The following OR9I1 variants were observed in gnomAD, a reference collection of about 807,000 sequenced individuals.
The protein encoded by OR9I1 is olfactory receptor 9I1.
OR9I1 carries 7 observed loss-of-function variants against 11.2 expected under a neutral mutation model. The ratio of observed to expected loss-of-function variants is 0.62; its 90% CI spans 0.36 to 1.17. The LOEUF (loss-of-function observed/expected upper bound fraction) is 1.17, where lower values mean the gene tolerates loss of function less well. Ranked by LOEUF, OR9I1 falls within the 50% of genes most tolerant of loss-of-function variation. The pLI is 0.02. For synonymous variants in OR9I1, 165 were observed against 153.4 expected (o/e 1.08, Z -0.56); for missense variants, 428 against 377.2 (o/e 1.13, Z -1.12).
chr11:58,118,869 T>A lies in OR9I1; in HGVS notation c.576A>T (p.Thr192=), dbSNP rs1451165694. 2 of 1,613,884 alleles carry A rather than the reference T, an allele frequency of 1.2e-6. No individual in the cohort carries two copies. The highest frequency in any genetic ancestry group is 2.7e-5 in the African/African-American group (2 of 74,940). ...PPLLKLACSD[T]ANIEIVIIFF... ...AGATGATGACAATCTCGATGTTTGC[T>A]GTGTCACTGCAGGCAAGCTTCAGCA... The change falls in exon 3 of 3, where the codon ACA becomes ACT. Residue 192 remains threonine, a synonymous_variant. Transcript: ENST00000641439.
rs535325972 is a variant in OR9I1, at chr11:58,119,433, A to G, written c.12T>C (p.Asn4=). Residue 4 remains asparagine (N), a synonymous_variant, in exon 3 of 3, where the codon AAT becomes AAC. Transcript: ENST00000641439. MAK[N]NLTRVTEFIL... ...TGAATTCGGTTACTCTGGTGAGATT[A>G]TTCTTGGCCATGGAGACAATGTGGA... is the stretch of plus-strand genomic sequence containing the variant. 15 of 1,602,978 alleles carry G rather than the reference A, an allele frequency of 9.4e-6. No individual in the cohort carries two copies. Among genetic ancestry groups the G allele is most frequent in the Admixed American group, 6.7e-5 (4 of 59,492 alleles).
At chr11:58,124,119 G>A (rs939122288) in intron 2 of OR9I1, among the ~76,000 whole-genome samples, 1 of 152,104 alleles carries the variant, frequency 6.6e-6, no homozygotes, top group African/African-American at 2.4e-5. Flanking sequence ...GAGCAGACTG[G>A]TGACACCCAG....
At chr11:58,123,853 G>A (rs1456489737) in intron 2 of OR9I1, among the ~76,000 whole-genome samples, 5 of 152,154 alleles carry the variant, frequency 3.3e-5, no homozygotes, top group African/African-American at 1.2e-4. Flanking sequence ...AAAGATTGAT[G>A]TTGGAGTTCT....
rs1336255704 is a variant in OR9I1, at chr11:58,118,903, A to T, written c.542T>A (p.Leu181His). The T allele has an allele frequency of 3.7e-6, 6 of 1,613,996 alleles. No individual in the cohort carries two copies. The highest frequency in any genetic ancestry group is 5.1e-6 in the Non-Finnish European group (6 of 1,179,998). ...DNQINFFFCD[L>H]PPLLKLACSD... ...GCAGGCAAGCTTCAGCAGGGGTGGG[A>T]GGTCACAGAAGAAGAAGTTTATTTG... The change falls in exon 3 of 3, where the codon CTC (leucine) becomes CAC (histidine). Residue 181 changes from leucine to histidine, a missense_variant. Transcript: ENST00000641439.
intron 2 of OR9I1, among the ~76,000 whole-genome samples, chr11:58,121,243 C>A (rs1471238943): frequency 6.6e-6 from 1 of 152,122 alleles, no homozygotes; most frequent in East Asian, 1.9e-4. Context: ...TTTTGCATTT[C>A]CTAAGATTTC....
At chr11:58,123,215 A>G (rs1590603398) in intron 2 of OR9I1, among the ~76,000 whole-genome samples, 1 of 152,234 alleles carries the variant, frequency 6.6e-6, no homozygotes, top group Non-Finnish European at 1.5e-5. Flanking sequence ...GCTTTCAGCT[A>G]TAAATTTGTT....
In OR9I1 at chr11:58,118,454, ATAT is replaced by A; in HGVS notation, c.*43_*45del. The A allele has an allele frequency of 7.9e-7, 1 of 1,267,714 alleles. No individual in the cohort carries two copies. Among genetic ancestry groups the A allele is most frequent in the Non-Finnish European group, 1.1e-6 (1 of 903,650 alleles). 78.5% of individuals were successfully genotyped at this position (1,267,714 alleles called of 1,614,324 possible). A position where few individuals can be genotyped will look rare whatever the true frequency, so the allele number is the denominator to read the frequency against. On this transcript the variant is annotated 3_prime_UTR_variant, in exon 3 of 3. Coordinates refer to ENST00000641439, the MANE Select transcript of OR9I1 (RefSeq NM_001005211.2). Reference sequence around the variant, plus strand: ...TAATGGTGCCTATTAGGATATATTCATATGGGAAGAAAGTGGACTAAAACAAGA... The same window carrying A: ...TAATGGTGCCTATTAGGATATATTCAGGGAAGAAAGTGGACTAAAACAAGA...
rs1853993635 is a variant in OR9I1, at chr11:58,119,009, C to A, written c.436G>T (p.Val146Leu). 6 of 1,613,920 alleles carry A rather than the reference C, an allele frequency of 3.7e-6. No individual in the cohort carries two copies. Among genetic ancestry groups the A allele is most frequent in the African/African-American group, 1.3e-5 (1 of 75,046 alleles). The change falls in exon 3 of 3, where the codon GTA becomes TTA. Residue 146 changes from valine (V) to leucine (L), a missense_variant. Transcript: ENST00000641439. The part of the protein sequence containing the change: ...MNPRLCWSLV[V>L]GAYVCGVSGA... ...GACACCCCACAGACATAGGCTCCTA[C>A]CACCAGGCTCCAGCAGAGCCTGGGA...
chr11:58,124,134 G>T (rs1226026596), intron 2 of OR9I1, among the ~76,000 whole-genome samples: 1 of 152,120 alleles, frequency 6.6e-6, no homozygotes, highest in Non-Finnish European at 1.5e-5. Context: ...ACCCAGTTTT[G>T]TGTGATCTTG....
chr11:58,120,803 C>CATATATATATATAT (rs61634454), intron 2 of OR9I1, among the ~76,000 whole-genome samples: 1,850 of 132,422 alleles, frequency 0.014, 23 homozygotes, highest in African/African-American at 0.021. Flanking sequence ...ATTTCAATAC[C>CATATATATATATAT]ATATATATAT....
chr11:58,122,640 G>A lies in OR9I1; in HGVS notation c.-23+1798C>T, dbSNP rs374149542. Among the ~76,000 whole-genome samples the A allele has an allele frequency of 2.0e-4, 30 of 152,194 alleles. No homozygotes were observed. The South Asian group carries it at 3.7e-3, about 19-fold the overall frequency. On this transcript the variant is annotated intron_variant, in intron 2 of 2. Coordinates refer to ENST00000641439, the MANE Select transcript of OR9I1 (RefSeq NM_001005211.2). Reference sequence around the variant, plus strand: ...GGGGCCTTAGGTAGAAAATTGAATGGCCTTTACTCCTCAGTTCCTGATAAA... The same window carrying A: ...GGGGCCTTAGGTAGAAAATTGAATGACCTTTACTCCTCAGTTCCTGATAAA...
At position 58,117,068 on chromosome 11, in the gene OR9I1, A is replaced by G. The variant is rs1032526451; in HGVS notation, c.*1432T>C. ...TTTTATCATCATTGGTTGGTGATCT[A>G]TTTTGCTTTTGTCAGTGGCCATTAA... On this transcript the variant is annotated 3_prime_UTR_variant, in exon 3 of 3. Coordinates refer to ENST00000641439, the MANE Select transcript of OR9I1 (RefSeq NM_001005211.2). 1.3e-5 allele frequency: 2 copies of G among 152,094 alleles called. No individual in the cohort carries two copies. The highest frequency in any genetic ancestry group is 2.9e-5 in the Non-Finnish European group (2 of 68,024). 9.4% of individuals were successfully genotyped at this position (152,094 alleles called of 1,614,324 possible).
chr11:58,118,529 T>C lies in OR9I1; in HGVS notation c.916A>G (p.Arg306Gly), dbSNP rs760691841. The C allele has an allele frequency of 6.2e-7, 1 of 1,611,620 alleles. No homozygotes were observed. Among genetic ancestry groups the C allele is most frequent in the South Asian group, 1.1e-5 (1 of 90,508 alleles). ...ATGCTCAGGGACACCTGGAGTCTCC[T>C]AGCGACCTTTCTGAAGGCGTCTTTT... ...DVKDAFRKVA[R>G]RLQVSLSM Residue 306 changes from arginine to glycine, a missense_variant, in exon 3 of 3, where the codon AGG becomes GGG. Physicochemically the swap from Arg to Gly is moderately radical, Grantham distance 125 (BLOSUM62 -2). Transcript: ENST00000641439.
Position 58,119,717 on chromosome 11 carries a change from A to C in OR9I1, c.-22-251T>G, listed in dbSNP as rs148010035. 2.0e-4 allele frequency among the ~76,000 whole-genome samples: 31 copies of C among 152,284 alleles called. No homozygotes were observed. In the East Asian group the frequency reaches 4.4e-3, roughly 22 times the overall value. ...TAAAGATAAGAGGCATACAATTCTT[A>C]GGTTTGGAAGAGACCTAGACAGTAT... On this transcript the variant is annotated intron_variant, in intron 2 of 2. Coordinates refer to ENST00000641439, the MANE Select transcript of OR9I1 (RefSeq NM_001005211.2).
chr11:58,119,567 G>T, intron 2 of OR9I1, 101 bp from the exon 3 acceptor site: 1 of 654,822 alleles, frequency 1.5e-6, no homozygotes, highest in Non-Finnish European at 2.5e-6. Context: ...TATTTGTAGA[G>T]TTTGTTTTTA....
In OR9I1 at chr11:58,117,332, G is replaced by A. The variant is rs1853965903; in HGVS notation, c.*1168C>T. 6.6e-6 allele frequency: 1 copy of A among 152,144 alleles called. No individual in the cohort carries two copies. Among genetic ancestry groups the A allele is most frequent in the African/African-American group, 2.4e-5 (1 of 41,424 alleles). 9.4% of individuals were successfully genotyped at this position (152,144 alleles called of 1,614,324 possible). On this transcript the variant is annotated 3_prime_UTR_variant, in exon 3 of 3. Coordinates refer to ENST00000641439, the MANE Select transcript of OR9I1 (RefSeq NM_001005211.2). The stretch of plus-strand genomic sequence containing the variant: ...TGGTGGAATCAGGATTCTGATTCAA[G>A]CCTGACTCCATCCCTTGTCTACTGC...
chr11:58,119,226 G>A lies in OR9I1; in HGVS notation c.219C>T (p.Tyr73=), dbSNP rs985714853. ...GGATCTGAGGGGTGATGACTGAGGT[G>A]TAACAGGCATCCAGCAGGGAGAGGT... ...LSHLSLLDAC[Y]TSVITPQILA... Residue 73 remains tyrosine, a synonymous_variant, in exon 3 of 3, where the codon TAC becomes TAT. Transcript: ENST00000641439. The A allele has an allele frequency of 2.5e-6, 4 of 1,613,756 alleles. No homozygotes were observed. In the East Asian group the frequency reaches 6.7e-5, roughly 27 times the overall value.
At chr11:58,120,141 G>A (rs1456311490) in intron 2 of OR9I1, among the ~76,000 whole-genome samples, 1 of 152,102 alleles carries the variant, frequency 6.6e-6, no homozygotes, top group Non-Finnish European at 1.5e-5. Context: ...CAGCTCAGGG[G>A]CCATCATCTT....
At chr11:58,122,728 T>C (rs1854046547) in intron 2 of OR9I1, among the ~76,000 whole-genome samples, 1 of 152,050 alleles carries the variant, frequency 6.6e-6, no homozygotes, top group South Asian at 2.1e-4. Flanking sequence ...TTTTTGTTAG[T>C]CCTGCCTCAT....
Sources: allele counts gnomAD v4.1 joint callset (sites outside exome capture counted in the v4.1 genomes callset), GRCh38; gene constraint gnomAD v4.1.1; transcripts MANE v1.5; gene names NCBI Gene and HGNC (gene_info 2026-07-23, HGNC 2026-07-21).